The following PTPRT variants were observed in gnomAD, a reference collection of about 807,000 sequenced individuals.
PTPRT encodes the protein receptor-type tyrosine-protein phosphatase T.
A neutral mutation model predicts 176.8 loss-of-function variants in PTPRT; 56 were observed. The ratio of observed to expected loss-of-function variants is 0.32; its 90% confidence interval spans 0.26 to 0.40. The LOEUF (loss-of-function observed/expected upper bound fraction) is 0.40, where lower values mean the gene tolerates loss of function less well. PTPRT is among the 10% of genes least tolerant of loss of function. The pLI is 1.00. For missense variants in PTPRT, 1,540 were observed against 1,908.2 expected (o/e 0.81, Z 3.60); for synonymous variants, 783 against 739.0 (o/e 1.06, Z -0.96).
At chr20:43,050,353 C>T (rs1050607581) in intron 1 of PTPRT, among the ~76,000 whole-genome samples, 8 of 152,168 alleles carry the variant, frequency 5.3e-5, no homozygotes, top group Non-Finnish European at 1.2e-4. Flanking sequence ...GGGAAGGGAG[C>T]TCCAGGGAGA....
chr20:42,349,714 A>C (rs2058248418), intron 11 of PTPRT, among the ~76,000 whole-genome samples: 1 of 152,220 alleles, frequency 6.6e-6, no homozygotes, highest in African/African-American at 2.4e-5. Flanking sequence ...GCAATTTGAA[A>C]GTTGTTCCAC....
chr20:42,074,325 A>G lies in PTPRT; in HGVS notation c.*6554T>C, dbSNP rs918198043. The G allele has an allele frequency of 1.7e-5, 4 of 232,358 alleles. No homozygotes were observed. The highest frequency in any genetic ancestry group is 6.6e-5 in the African/African-American group (3 of 45,282). The allele number at this position is 232,358 out of a possible 1,614,324, so 14.4% of individuals were successfully genotyped here. On this transcript the variant is annotated 3_prime_UTR_variant, in exon 31 of 31. Transcript: ENST00000373187. ...ACTGAAGTAATTGTACAGAGACTCA[A>G]TTTTGTAATTTTGGTGGTTTACTTC...
At chr20:43,026,097 A>G (rs1479518349) in intron 1 of PTPRT, among the ~76,000 whole-genome samples, 1 of 151,902 alleles carries the variant, frequency 6.6e-6, no homozygotes, top group Admixed American at 6.6e-5. Flanking sequence ...GGATGACACT[A>G]TATTTAGAGA....
chr20:42,461,436 G>A lies in PTPRT; in HGVS notation c.1450+10830C>T, dbSNP rs2071018054. 2.0e-5 allele frequency among the ~76,000 whole-genome samples: 3 copies of A among 152,202 alleles called. No homozygotes were observed. The South Asian group carries it at 6.2e-4, about 32-fold the overall frequency. Reference sequence around the variant, plus strand: ...CCACATGTCCTAGCTACTGGAGAGGGTGAGGTGGGAGGGCCGTTTGAGCCC... The same window carrying A: ...CCACATGTCCTAGCTACTGGAGAGGATGAGGTGGGAGGGCCGTTTGAGCCC... On this transcript the variant is annotated intron_variant, in intron 8 of 30. Transcript: ENST00000373187.
At chr20:42,083,245 T>C (rs1983539407) in intron 29 of PTPRT, among the ~76,000 whole-genome samples, 1 of 147,536 alleles carries the variant, frequency 6.8e-6, no homozygotes. Flanking sequence ...AAGGAAGAGG[T>C]GAGTAGACAC....
intron 15 of PTPRT, among the ~76,000 whole-genome samples, chr20:42,219,575 C>T (rs2055838586): frequency 6.6e-6 from 1 of 152,196 alleles, no homozygotes; most frequent in Non-Finnish European, 1.5e-5. Context: ...TATAACTTAA[C>T]AACAACAAAG....
intron 9 of PTPRT, among the ~76,000 whole-genome samples, chr20:42,416,557 C>T (rs1214421006): frequency 2.6e-5 from 4 of 152,202 alleles, no homozygotes; most frequent in African/African-American, 4.8e-5. Flanking sequence ...CTTCTATTTG[C>T]TGCCCCTAAG....
intron 1 of PTPRT, among the ~76,000 whole-genome samples, chr20:42,978,334 A>G (rs187946260): frequency 1.3e-5 from 2 of 152,326 alleles, no homozygotes; most frequent in African/African-American, 4.8e-5. Flanking sequence ...CTATTTTCAG[A>G]CCACAGGTGA....
intron 1 of PTPRT, among the ~76,000 whole-genome samples, chr20:43,171,836 T>A (rs756085200): frequency 2.1e-4 from 32 of 152,116 alleles, no homozygotes; most frequent in Non-Finnish European, 3.7e-4. Flanking sequence ...AACACAACCA[T>A]ACCAGAAAGT....
At chr20:42,314,188 T>C (rs1162975933) in intron 12 of PTPRT, among the ~76,000 whole-genome samples, 1 of 152,094 alleles carries the variant, frequency 6.6e-6, no homozygotes, top group Admixed American at 6.6e-5. Context: ...ATAAACTTAA[T>C]ATGAACTGTA....
rs114991415 is a variant in PTPRT, at chr20:42,920,008, C to T, written c.89-34076G>A. Among the ~76,000 whole-genome samples, 334 of 152,350 alleles carry T rather than the reference C, an allele frequency of 2.2e-3. 1 individual carries two copies. The highest frequency in any genetic ancestry group is 7.7e-3 in the African/African-American group (320 of 41,578). ...TTGTTACAACTTCTGATCATCACATCAAAGCGGGGTGGTGAGCCCTGGTAC... is the reference window on the plus strand; with the variant it reads ...TTGTTACAACTTCTGATCATCACATTAAAGCGGGGTGGTGAGCCCTGGTAC... On this transcript the variant is annotated intron_variant, in intron 1 of 30. Transcript: ENST00000373187.
chr20:42,081,658 T>G (rs2146090686), intron 30 of PTPRT, among the ~76,000 whole-genome samples: 1 of 152,342 alleles, frequency 6.6e-6, no homozygotes, highest in East Asian at 1.9e-4. Flanking sequence ...TGAAGCAAAG[T>G]AGGTGTACCA....
At chr20:42,651,282 C>T (rs1489259768) in intron 7 of PTPRT, among the ~76,000 whole-genome samples, 1 of 152,148 alleles carries the variant, frequency 6.6e-6, no homozygotes, top group Admixed American at 6.5e-5. Context: ...CATGGCCAAA[C>T]CCCTATTGCT....
At chr20:42,816,789 T>C (rs926418212) in intron 2 of PTPRT, among the ~76,000 whole-genome samples, 27 of 152,352 alleles carry the variant, frequency 1.8e-4, no homozygotes, top group Non-Finnish European at 2.8e-4. Context: ...CTCTTTCCTT[T>C]GTAACTACCT....
At chr20:42,876,067 T>C (rs2078924922) in intron 2 of PTPRT, among the ~76,000 whole-genome samples, 1 of 152,148 alleles carries the variant, frequency 6.6e-6, no homozygotes, top group African/African-American at 2.4e-5. Context: ...CTTCACTCTC[T>C]CCCTTTCTCT....
intron 1 of PTPRT, among the ~76,000 whole-genome samples, chr20:43,109,450 G>A (rs2012766523): frequency 6.6e-6 from 1 of 152,112 alleles, no homozygotes; most frequent in Admixed American, 6.5e-5. Context: ...GCACTTAGTT[G>A]TGAGACCTGA....
chr20:42,185,618 T>C (rs1226432588), intron 16 of PTPRT, among the ~76,000 whole-genome samples: 1 of 152,212 alleles, frequency 6.6e-6, no homozygotes, highest in Non-Finnish European at 1.5e-5. Flanking sequence ...TATCCACCTT[T>C]ATTCAATTCT....
intron 7 of PTPRT, among the ~76,000 whole-genome samples, chr20:42,645,081 A>G (rs1280344670): frequency 6.6e-6 from 1 of 152,138 alleles, no homozygotes; most frequent in East Asian, 1.9e-4. Flanking sequence ...CACGCAGTCT[A>G]TGGCACTGTA....
At chr20:42,573,667 A>C (rs1241605187) in intron 7 of PTPRT, among the ~76,000 whole-genome samples, 1 of 151,862 alleles carries the variant, frequency 6.6e-6, no homozygotes, top group Non-Finnish European at 1.5e-5. Flanking sequence ...TTATCAGAGC[A>C]GGTTCTCCTA....
Sources: allele counts gnomAD v4.1 joint callset (sites outside exome capture counted in the v4.1 genomes callset), GRCh38; gene constraint gnomAD v4.1.1; transcripts MANE v1.5; gene names NCBI Gene and HGNC (gene_info 2026-07-23, HGNC 2026-07-21).